DYRK4: variants seen among roughly 807,000 people sequenced by gnomAD.
The protein encoded by DYRK4 is dual specificity tyrosine phosphorylation regulated kinase 4.
In DYRK4, 64 loss-of-function variants were observed where a neutral mutation model predicts 68.3. That is an observed-to-expected ratio of 0.94 (90% confidence interval 0.77 to 1.15). The LOEUF (loss-of-function observed/expected upper bound fraction) is 1.15. Among genes scored for constraint, DYRK4 ranks in the 50% most tolerant of loss-of-function variants. The probability of loss-of-function intolerance (pLI) is 0.00; values close to 1 mark genes in which losing one functional copy is unlikely to be tolerated. For missense variants in DYRK4, 740 were observed against 764.7 expected, an observed-to-expected ratio of 0.97 and a Z score of 0.38; for synonymous variants, 274 against 289.9, an observed-to-expected ratio of 0.95 and a Z score of 0.56.
chr12:4,575,605 A>G (rs564832154), intron 2 of DYRK4, among the ~76,000 whole-genome samples: 740 of 151,540 alleles, frequency 4.9e-3, no homozygotes, highest in African/African-American at 0.017. Context: ...CACCGTGCCC[A>G]GCCAATTTAT....
chr12:4,605,821 A>G lies in DYRK4; in HGVS notation c.1299+735A>G, dbSNP rs193192899. ...GCTAGAATGCCCGGGCTCGGGATCA[A>G]TGTGATTCCAATTGCTTGGTGGTGT... is the stretch of plus-strand genomic sequence containing the variant. On this transcript the variant is annotated intron_variant, in intron 11 of 14. Transcript: ENST00000543431. 1.7e-3 allele frequency among the ~76,000 whole-genome samples: 241 copies of G among 145,342 alleles called. 1 individual carries two copies. Among genetic ancestry groups the G allele is most frequent in the South Asian group, 7.3e-3 (33 of 4,520 alleles).
chr12:4,568,618 T>C (rs1489221566), intron 2 of DYRK4, among the ~76,000 whole-genome samples: 1 of 152,134 alleles, frequency 6.6e-6, no homozygotes, highest in African/African-American at 2.4e-5. Context: ...ACTCCCGACC[T>C]CAAGTGATCT....
At position 4,612,612 on chromosome 12, in the gene DYRK4, C is replaced by T; in HGVS notation, c.1560C>T (p.Asn520=). The T allele has an allele frequency of 1.2e-6, 2 of 1,614,198 alleles. No individual in the cohort carries two copies. The highest frequency in any genetic ancestry group is 1.7e-6 in the Non-Finnish European group (2 of 1,180,038). ...LKHAWIHQSR[N]LKPQPRPQTL... ...ATGCTTGGATTCATCAGTCTCGGAA[C>T]CTCAAGCCACAGCCCAGGCCCCAGA... The change falls in exon 14 of 15, where the codon AAC becomes AAT. Residue 520 remains asparagine (N), a synonymous_variant. Transcript: ENST00000543431.
At position 4,607,400 on chromosome 12, in the gene DYRK4, G is replaced by A. The variant is rs114607952; in HGVS notation, c.1360+13G>A. The A allele has an allele frequency of 3.7e-6, 6 of 1,613,934 alleles. No homozygotes were observed. The Admixed American group carries it at 5.0e-5, about 13-fold the overall frequency. On this transcript the variant is annotated intron_variant, in intron 12 of 14. Transcript: ENST00000543431. ...CAGACATTCTTTGGTAAGTCCTAGT[G>A]TGTCTCATGAGGTGTCACAGGCCTT...
At chr12:4,580,797 A>AC (rs1944834089) in intron 2 of DYRK4, 1 of 330,370 alleles carries the variant, frequency 3.0e-6, no homozygotes, top group African/African-American at 2.2e-5. Context: ...GCACTTAGGG[A>AC]TTTTTTTTTT....
chr12:4,602,252 GCT>G (rs1191639965), intron 10 of DYRK4: 10 of 1,068,190 alleles, frequency 9.4e-6, no homozygotes, highest in African/African-American at 1.6e-5. Context: ...TCTAAGACCT[GCT>G]CTCTTTTCTT....
rs201961978 is a variant in DYRK4 at position 4,574,756 on chromosome 12, CA to C, written c.132+6709del. Among the ~76,000 whole-genome samples, 1,201 of 152,262 alleles carry C rather than the reference CA, an allele frequency of 7.9e-3. 17 individuals carry two copies. The highest frequency in any genetic ancestry group is 0.027 in the African/African-American group (1,121 of 41,534). On this transcript the variant is annotated intron_variant, in intron 2 of 14. Transcript: ENST00000543431. ...TTTTTTAGACACAGTCTTGCTTTGT[CA>C]CCCAGGTTGGAGCGCAGTGGTGCGA...
intron 2 of DYRK4, among the ~76,000 whole-genome samples, chr12:4,576,556 T>A (rs1641325794): frequency 6.6e-6 from 1 of 152,230 alleles, no homozygotes; most frequent in Non-Finnish European, 1.5e-5. Context: ...GGATTGTATG[T>A]TAAGGCTATA....
chr12:4,574,192 C>T (rs947939560), intron 2 of DYRK4, among the ~76,000 whole-genome samples: 7 of 149,732 alleles, frequency 4.7e-5, no homozygotes, highest in Non-Finnish European at 5.9e-5. Flanking sequence ...GCCACTGCAC[C>T]CTGGCCTGGG....
At chr12:4,563,648 G>T (rs998564164) in intron 1 of DYRK4, among the ~76,000 whole-genome samples, 2 of 152,214 alleles carry the variant, frequency 1.3e-5, no homozygotes, top group African/African-American at 4.8e-5. Flanking sequence ...CAACCACAAG[G>T]CAGGCTCTCT....
chr12:4,571,313 T>A (rs1476486070), intron 2 of DYRK4, among the ~76,000 whole-genome samples: 5 of 152,260 alleles, frequency 3.3e-5, no homozygotes, highest in African/African-American at 1.2e-4. Context: ...CTCTGTTAAT[T>A]TCTTAGATCC....
Position 4,596,167 on chromosome 12 carries a change from G to A in DYRK4, c.646G>A (p.Ala216Thr). The A allele has an allele frequency of 6.2e-7, 1 of 1,614,142 alleles. No homozygotes were observed. ...TCCACAGGTCCTGCATGATCACATTGCCTACCGCTATGAAGTTCTGGAGAC... is the reference window on the plus strand; with the variant it reads ...TCCACAGGTCCTGCATGATCACATTACCTACCGCTATGAAGTTCTGGAGAC... ...FYLKVLHDHI[A>T]YRYEVLETIG... Residue 216 changes from alanine (A) to threonine (T), a missense_variant, in exon 7 of 15, where the codon GCC becomes ACC. By Grantham distance (58) the Ala-to-Thr change is moderately conservative (BLOSUM62 0). This residue lies in a region of DYRK4 where 614 missense variants were observed against 603.7 expected (regional missense o/e 1.02). Coordinates refer to ENST00000543431, the MANE Select transcript of DYRK4 (RefSeq NM_001394779.1).
intron 2 of DYRK4, among the ~76,000 whole-genome samples, chr12:4,574,053 A>G (rs1944759131): frequency 2.0e-5 from 3 of 151,870 alleles, no homozygotes; most frequent in South Asian, 4.2e-4. Flanking sequence ...GTGAAACCGC[A>G]TCTCTACTAA....
chr12:4,608,341 A>G (rs373469657), intron 12 of DYRK4, among the ~76,000 whole-genome samples: 96 of 152,270 alleles, frequency 6.3e-4, no homozygotes, highest in African/African-American at 2.0e-3. Context: ...AATCCCAGAC[A>G]TTCCTGGCCC....
chr12:4,593,712 G>T (rs1944983510), intron 6 of DYRK4, among the ~76,000 whole-genome samples: 1 of 152,150 alleles, frequency 6.6e-6, no homozygotes, highest in Non-Finnish European at 1.5e-5. Context: ...CCAGGACAGT[G>T]CCTCTTCCCA....
At chr12:4,565,096 T>C (rs1006996949) in intron 1 of DYRK4, among the ~76,000 whole-genome samples, 1 of 152,224 alleles carries the variant, frequency 6.6e-6, no homozygotes, top group Non-Finnish European at 1.5e-5. Context: ...AGTTTATTAG[T>C]TATCTTCAAT....
chr12:4,613,745 A>G lies in DYRK4; in HGVS notation c.1897A>G (p.Ile633Val), dbSNP rs370396256. The change falls in exon 15 of 15, where the codon ATT becomes GTT. Residue 633 changes from isoleucine to valine, a missense_variant. This residue lies in a region of DYRK4 where 614 missense variants were observed against 603.7 expected (regional missense o/e 1.02). Transcript: ENST00000543431. This position sits in a 1 kb window ranked among gnomAD's most constrained non-coding sequence, Gnocchi z 4.0. ...SLKNTNVLPPIV is the reference protein window; with the variant it reads ...SLKNTNVLPPVV Reference sequence around the variant, plus strand: ...CAAGAACACAAACGTTTTACCCCCTATTGTATGACCTTTGCTGAGGGTATG... The same window carrying G: ...CAAGAACACAAACGTTTTACCCCCTGTTGTATGACCTTTGCTGAGGGTATG... 6.7e-5 allele frequency: 104 copies of G among 1,559,650 alleles called. No homozygotes were observed. Among genetic ancestry groups the G allele is most frequent in the Non-Finnish European group, 8.8e-5 (101 of 1,145,428 alleles).
intron 14 of DYRK4, 40 bp downstream of exon 14, chr12:4,612,758 G>A (rs752395363): frequency 1.6e-5 from 26 of 1,599,612 alleles, no homozygotes; most frequent in South Asian, 1.1e-4. Context: ...CCCACAGTCC[G>A]GGAATTAATA....
chr12:4,603,164 A>T, intron 10 of DYRK4: 1 of 1,312,094 alleles, frequency 7.6e-7, no homozygotes, highest in South Asian at 1.2e-5. Context: ...AATACTCGGT[A>T]CCGAAATGAA....
Sources: gnomAD v4.1 joint callset for allele counts (sites outside exome capture counted in the v4.1 genomes callset) on GRCh38, gnomAD v4.1.1 for gene constraint, gnomAD v4.1.1 regional missense constraint, Gnocchi (gnomAD v3.1) non-coding constraint, MANE v1.5 for transcripts, NCBI Gene and HGNC (gene_info 2026-07-23, HGNC 2026-07-21) for gene names.